The following GMDS variants were observed in gnomAD, a reference collection of about 807,000 sequenced individuals.
GMDS encodes the protein GDP-mannose 4,6 dehydratase.
GMDS carries 20 observed loss-of-function variants against 49.9 expected under a neutral mutation model. The observed-to-expected ratio is 0.40, with a 90% CI of 0.28 to 0.58. GMDS has a LOEUF of 0.58. Ranked by LOEUF, GMDS falls within the 20% of genes least tolerant of loss-of-function variation. The pLI is 0.42. For missense variants in GMDS, 362 were observed against 481.4 expected (o/e 0.75, Z 2.32); for synonymous variants, 177 against 178.6 (o/e 0.99, Z 0.07).
At chr6:2,090,570 C>T (rs1041177098) in intron 4 of GMDS, among the ~76,000 whole-genome samples, 5 of 152,068 alleles carry the variant, frequency 3.3e-5, no homozygotes, top group African/African-American at 1.2e-4. Context: ...GCTTATAAAA[C>T]GACCTGTTTA....
At chr6:1,759,851 C>A (rs1768092176) in intron 7 of GMDS, among the ~76,000 whole-genome samples, 1 of 152,164 alleles carries the variant, frequency 6.6e-6, no homozygotes, top group South Asian at 2.1e-4. Flanking sequence ...TGAGTCAAGC[C>A]AGGTGTATTT....
chr6:1,674,137 C>A (rs1384286591), intron 9 of GMDS, among the ~76,000 whole-genome samples: 1 of 139,878 alleles, frequency 7.1e-6, no homozygotes, highest in Non-Finnish European at 1.6e-5. Flanking sequence ...TTTGCATTCC[C>A]ACTAGCAATG....
intron 4 of GMDS, among the ~76,000 whole-genome samples, chr6:1,974,134 T>C (rs1325708396): frequency 6.6e-6 from 1 of 151,366 alleles, no homozygotes; most frequent in African/African-American, 2.4e-5. Context: ...AGTAAATTAA[T>C]TTTAGAAGGA....
At chr6:2,106,444 GT>G (rs1319925127) in intron 4 of GMDS, among the ~76,000 whole-genome samples, 9 of 152,080 alleles carry the variant, frequency 5.9e-5, no homozygotes, top group Non-Finnish European at 2.9e-5. Flanking sequence ...TTTAAAAGAG[GT>G]ATTAAGTCTA....
At chr6:2,075,402 C>T (rs189623672) in intron 4 of GMDS, among the ~76,000 whole-genome samples, 4 of 152,250 alleles carry the variant, frequency 2.6e-5, no homozygotes, top group South Asian at 2.1e-4. Flanking sequence ...GGCATACCTC[C>T]TAATGCTATC....
At chr6:1,934,560 T>C (rs1420900739) in intron 6 of GMDS, among the ~76,000 whole-genome samples, 1 of 152,224 alleles carries the variant, frequency 6.6e-6, no homozygotes, top group Non-Finnish European at 1.5e-5. Context: ...CTTTCAACAA[T>C]GTTTAATAGT....
At chr6:1,771,350 C>T (rs1365961880) in intron 7 of GMDS, among the ~76,000 whole-genome samples, 4 of 152,206 alleles carry the variant, frequency 2.6e-5, no homozygotes, top group African/African-American at 4.8e-5. Flanking sequence ...GCCTCAGACA[C>T]ACTCTGGTTT....
Position 2,173,914 on chromosome 6 carries a change from AG to A in GMDS, c.103-49184del, listed in dbSNP as rs2032296232. On this transcript the variant is annotated intron_variant, in intron 1 of 10. Transcript: ENST00000380815. ...TCCTAAGGAACAGAAAGGGCAGGTT[AG>A]CATCGCCAATTTACTTAGAAGCAAA... Among the ~76,000 whole-genome samples the A allele has an allele frequency of 2.6e-5, 4 of 152,348 alleles. No homozygotes were observed. In the South Asian group the frequency reaches 8.3e-4, roughly 32 times the overall value.
intron 1 of GMDS, among the ~76,000 whole-genome samples, chr6:2,182,746 C>CA (rs1778609271): frequency 1.3e-5 from 2 of 152,288 alleles, no homozygotes; most frequent in Admixed American, 6.5e-5. Flanking sequence ...CACTGTGTTG[C>CA]CCAGGCCAGA....
intron 4 of GMDS, among the ~76,000 whole-genome samples, chr6:1,981,712 C>A (rs1765229435): frequency 6.6e-6 from 1 of 151,906 alleles, no homozygotes. Flanking sequence ...AGCAGAGGTA[C>A]AACAAAAAAA....
chr6:1,755,326 T>C (rs1407455026), intron 7 of GMDS, among the ~76,000 whole-genome samples: 2 of 152,078 alleles, frequency 1.3e-5, no homozygotes, highest in Admixed American at 6.6e-5. Flanking sequence ...ACAAGAGATG[T>C]GAGGGACCTC....
At chr6:2,141,438 T>G (rs1776281505) in intron 1 of GMDS, among the ~76,000 whole-genome samples, 2 of 152,174 alleles carry the variant, frequency 1.3e-5, no homozygotes, top group Admixed American at 6.5e-5. Flanking sequence ...TGTGTGAAAC[T>G]AGGGGTGAAA....
rs1756755272 is a variant in GMDS at position 1,833,225 on chromosome 6, T to A, written c.772-90639A>T. On this transcript the variant is annotated intron_variant, in intron 7 of 10. Coordinates refer to ENST00000380815, the MANE Select transcript of GMDS (RefSeq NM_001500.4). The surrounding 1 kb of genome is among the most constrained non-coding windows in gnomAD (Gnocchi z 4.4). ...TTAATCAGCAGGGGAATTGGCCAAATGTCGTCTCCCGCTGGGCTTCAATGC... is the reference window on the plus strand; with the variant it reads ...TTAATCAGCAGGGGAATTGGCCAAAAGTCGTCTCCCGCTGGGCTTCAATGC... 2.0e-5 allele frequency among the ~76,000 whole-genome samples: 3 copies of A among 150,058 alleles called. No individual in the cohort carries two copies. Among genetic ancestry groups the A allele is most frequent in the South Asian group, 4.2e-4 (2 of 4,756 alleles).
chr6:1,710,739 G>A (rs1435732229), intron 9 of GMDS, among the ~76,000 whole-genome samples: 2 of 152,178 alleles, frequency 1.3e-5, no homozygotes, highest in Non-Finnish European at 1.5e-5. Flanking sequence ...ATACTGCCAA[G>A]CTCAATGTCC....
chr6:1,751,290 A>G (rs1410009104), intron 7 of GMDS, among the ~76,000 whole-genome samples: 1 of 152,116 alleles, frequency 6.6e-6, no homozygotes, highest in Admixed American at 6.5e-5. Flanking sequence ...GATACCTCCT[A>G]GCAGGGGTTG....
At chr6:2,011,122 G>T (rs1419684287) in intron 4 of GMDS, among the ~76,000 whole-genome samples, 2 of 152,154 alleles carry the variant, frequency 1.3e-5, no homozygotes, top group Admixed American at 1.3e-4. Flanking sequence ...ACATTAAAAG[G>T]GCTTAACTCA....
chr6:1,802,229 T>A, intron 7 of GMDS, among the ~76,000 whole-genome samples: 1 of 152,218 alleles, frequency 6.6e-6, no homozygotes, highest in East Asian at 1.9e-4. Context: ...CATAAATTAA[T>A]ACTGTCCTAA....
Position 2,095,610 on chromosome 6 carries a change from C to T in GMDS, c.345+20161G>A, listed in dbSNP as rs115685750. Among the ~76,000 whole-genome samples the T allele has an allele frequency of 4.3e-3, 647 of 152,200 alleles. 6 individuals carry two copies. Among genetic ancestry groups the T allele is most frequent in the African/African-American group, 0.014 (579 of 41,528 alleles). On this transcript the variant is annotated intron_variant, in intron 4 of 10. Transcript: ENST00000380815. ...ATAAAATAATGATGCATCTGAAAAT[C>T]GGTGTTGCAGAATCAGTGAAATACA...
chr6:1,864,145 A>G (rs1012311221), intron 7 of GMDS, among the ~76,000 whole-genome samples: 2 of 152,296 alleles, frequency 1.3e-5, no homozygotes, highest in Admixed American at 6.5e-5. Context: ...ATCAAGAATT[A>G]TTTCTCTAAA....
Sources: allele counts gnomAD v4.1 joint callset (sites outside exome capture counted in the v4.1 genomes callset), GRCh38; gene constraint gnomAD v4.1.1; non-coding constraint Gnocchi (gnomAD v3.1); transcripts MANE v1.5; gene names NCBI Gene and HGNC (gene_info 2026-07-23, HGNC 2026-07-21).